The following HMCN1 variants were observed in gnomAD, a reference collection of about 807,000 sequenced individuals.
HMCN1 encodes the protein hemicentin 1, also known as hemicentin-1.
HMCN1 carries 321 observed loss-of-function variants against 625.9 expected under a neutral mutation model. The ratio of observed to expected loss-of-function variants is 0.51; its 90% CI spans 0.47 to 0.56. The LOEUF is 0.56. Among genes scored for constraint, HMCN1 ranks in the 20% least tolerant of loss-of-function variants. HMCN1 has a pLI of 0.00. For missense variants in HMCN1, 6,588 were observed against 6,887.3 expected (o/e 0.96, Z 1.54); for synonymous variants, 2,425 against 2,417.6 (o/e 1.00, Z -0.09).
intron 10 of HMCN1, among the ~76,000 whole-genome samples, chr1:185,931,597 C>A (rs536222418): frequency 1.8e-4 from 27 of 152,098 alleles, no homozygotes; most frequent in African/African-American, 6.3e-4. Flanking sequence ...AGTTTGCATG[C>A]AAGAGGGTTT....
intron 7 of HMCN1, among the ~76,000 whole-genome samples, chr1:185,923,122 A>G (rs945152432): frequency 3.3e-5 from 5 of 152,158 alleles, no homozygotes; most frequent in African/African-American, 1.2e-4. Flanking sequence ...AAAAGTATTC[A>G]TGTGATCAAA....
chr1:185,987,594 A>C (rs1652087120), intron 20 of HMCN1, 50 bp downstream of exon 20: 5 of 1,214,968 alleles, frequency 4.1e-6, no homozygotes, highest in African/African-American at 1.5e-5. Context: ...TGTGAAGTTC[A>C]CCTGCAAGTT....
Position 186,165,105 on chromosome 1 carries a change from T to G in HMCN1, c.15257-6T>G. ...CCAGTTAACTTTGCTTTCCTCTCTGTGGTAGGAGATCGCAGTAATCAGTGC... is the reference window on the plus strand; with the variant it reads ...CCAGTTAACTTTGCTTTCCTCTCTGGGGTAGGAGATCGCAGTAATCAGTGC... On this transcript the variant is annotated splice_polypyrimidine_tract_variant and splice_region_variant and intron_variant, in intron 97 of 106. Coordinates refer to ENST00000271588, the MANE Select transcript of HMCN1 (RefSeq NM_031935.3). The G allele has an allele frequency of 6.2e-7, 1 of 1,613,822 alleles. No homozygotes were observed. The highest frequency in any genetic ancestry group is 8.5e-7 in the Non-Finnish European group (1 of 1,179,780).
At chr1:185,883,346 A>C (rs1376911522) in intron 4 of HMCN1, among the ~76,000 whole-genome samples, 1 of 152,094 alleles carries the variant, frequency 6.6e-6, no homozygotes, top group African/African-American at 2.4e-5. Flanking sequence ...TATGTATTCC[A>C]CTACAATTAT....
chr1:185,938,670 A>G (rs1667936986), intron 11 of HMCN1, among the ~76,000 whole-genome samples: 1 of 152,172 alleles, frequency 6.6e-6, no homozygotes, highest in African/African-American at 2.4e-5. Context: ...CATTGAATTT[A>G]GAGTCCAACA....
intron 11 of HMCN1, among the ~76,000 whole-genome samples, chr1:185,947,414 G>T (rs1312513727): frequency 2.0e-5 from 3 of 152,154 alleles, no homozygotes; most frequent in African/African-American, 7.2e-5. Flanking sequence ...TGACAGTACA[G>T]CTCTAGTCTT....
At chr1:186,166,062 T>G in intron 98 of HMCN1, 122 bp from the exon 99 acceptor site, 2 of 1,013,140 alleles carry the variant, frequency 2.0e-6, no homozygotes, top group Non-Finnish European at 2.9e-6. Flanking sequence ...ACTTAAAGCA[T>G]TTTCTATTAT....
chr1:185,796,150 A>G (rs1157630363), intron 1 of HMCN1, among the ~76,000 whole-genome samples: 1 of 152,174 alleles, frequency 6.6e-6, no homozygotes, highest in African/African-American at 2.4e-5. Context: ...TGGTTTGAGG[A>G]TGAAACTGTT....
intron 97 of HMCN1, among the ~76,000 whole-genome samples, chr1:186,154,383 G>A (rs969499134): frequency 4.6e-5 from 7 of 152,098 alleles, no homozygotes; most frequent in Admixed American, 3.3e-4. Context: ...TTAGCCGGTC[G>A]TGGGGGCGGG....
intron 6 of HMCN1, among the ~76,000 whole-genome samples, chr1:185,912,810 C>A (rs1666502095): frequency 6.6e-6 from 1 of 152,042 alleles, no homozygotes; most frequent in Non-Finnish European, 1.5e-5. Context: ...GCATTCCTTC[C>A]AGCTGTCAAA....
At chr1:186,081,490 G>A (rs1201602089) in intron 56 of HMCN1, 96 bp downstream of exon 56, 6 of 835,410 alleles carry the variant, frequency 7.2e-6, no homozygotes, top group Non-Finnish European at 9.5e-6. Flanking sequence ...TTATTAGCTT[G>A]TAAATATTAT....
Position 185,962,605 on chromosome 1 carries a change from C to A in HMCN1, c.1916C>A (p.Pro639His). The A allele has an allele frequency of 6.3e-7, 1 of 1,594,170 alleles. No homozygotes were observed. The highest frequency in any genetic ancestry group is 8.6e-7 in the Non-Finnish European group (1 of 1,161,936). ...VSIMCSATGY[P>H]KPKIAWTVND... ...ATCATGTGTTCTGCAACAGGTTATC[C>A]CAAACCAAAGATTGCCTGGACCGTT... Residue 639 changes from proline to histidine, a missense_variant, in exon 12 of 107, where the codon CCC becomes CAC. Physicochemically the swap from Pro to His is moderately conservative, Grantham distance 77. Transcript: ENST00000271588.
In HMCN1 at chr1:186,012,218, G is replaced by A. The variant is rs189804506; in HGVS notation, c.4631-2941G>A. Among the ~76,000 whole-genome samples the A allele has an allele frequency of 9.0e-4, 135 of 150,372 alleles. 1 individual carries two copies. The highest frequency in any genetic ancestry group is 1.9e-3 in the East Asian group (10 of 5,156). ...ACATTGTAATAAGCTTTGTAAACTT[G>A]TCTAAGCCTTTTTTTTTTTGCTTCA... On this transcript the variant is annotated intron_variant, in intron 30 of 106. Coordinates refer to ENST00000271588, the MANE Select transcript of HMCN1 (RefSeq NM_031935.3).
intron 70 of HMCN1, 39 bp downstream of exon 70, chr1:186,107,004 C>T (rs1487399738): frequency 1.6e-6 from 2 of 1,218,086 alleles, no homozygotes; most frequent in Admixed American, 1.7e-5. Context: ...ATCATACACA[C>T]ACCTAATTAG....
At chr1:185,792,223 T>G (rs969190878) in intron 1 of HMCN1, among the ~76,000 whole-genome samples, 7 of 152,206 alleles carry the variant, frequency 4.6e-5, no homozygotes, top group Non-Finnish European at 1.0e-4. Flanking sequence ...CAACAATTAT[T>G]TGTACTTGAA....
At chr1:185,767,863 G>C (rs1655971114) in intron 1 of HMCN1, among the ~76,000 whole-genome samples, 1 of 152,138 alleles carries the variant, frequency 6.6e-6, no homozygotes, top group Admixed American at 6.5e-5. Context: ...GGAATGAAAA[G>C]TTTAGCAAGT....
intron 1 of HMCN1, among the ~76,000 whole-genome samples, chr1:185,841,137 T>C (rs1333537111): frequency 1.3e-5 from 2 of 152,146 alleles, no homozygotes; most frequent in Admixed American, 6.5e-5. Context: ...AAGAGAACAA[T>C]GGTTGAGATG....
At position 186,182,199 on chromosome 1, in the gene HMCN1, C is replaced by T; in HGVS notation, c.16326C>T (p.Cys5442=). Residue 5442 remains cysteine (C), a synonymous_variant, in exon 105 of 107, where the codon TGC becomes TGT. Transcript: ENST00000271588. Reference sequence around the variant, plus strand: ...ATGAATGTGAAAATACAGATGCCTGCCAGCATGAGTGTAAGAATACCTTTG... The same window carrying T: ...ATGAATGTGAAAATACAGATGCCTGTCAGCATGAGTGTAAGAATACCTTTG... ...DIDECENTDA[C]QHECKNTFGS... 6.2e-7 allele frequency: 1 copy of T among 1,613,190 alleles called. No individual in the cohort carries two copies. The highest frequency in any genetic ancestry group is 8.5e-7 in the Non-Finnish European group (1 of 1,179,272).
intron 4 of HMCN1, among the ~76,000 whole-genome samples, chr1:185,887,258 T>C (rs1571503742): frequency 6.6e-6 from 1 of 152,288 alleles, no homozygotes; most frequent in South Asian, 2.1e-4. Context: ...GCAGCAGTTT[T>C]TAAACAGTGA....
Sources: allele counts gnomAD v4.1 joint callset (sites outside exome capture counted in the v4.1 genomes callset), GRCh38; gene constraint gnomAD v4.1.1; transcripts MANE v1.5; gene names NCBI Gene and HGNC (gene_info 2026-07-23, HGNC 2026-07-21).